Variants in KAZN observed in about 807,000 individuals in gnomAD.
The protein encoded by KAZN is kazrin.
Under a neutral mutation model 87.4 loss-of-function variants are expected in KAZN, and 40 were observed. That is an observed-to-expected ratio of 0.46 (90% CI 0.36 to 0.60). KAZN has a LOEUF of 0.60. Among genes scored for constraint, KAZN ranks in the 20% least tolerant of loss-of-function variants. The pLI is 0.00. For synonymous variants in KAZN, 466 were observed against 458.3 expected (o/e 1.02, Z -0.22); for missense variants, 898 against 1,073.9 (o/e 0.84, Z 2.29).
chr1:14,044,696 C>T (rs2101422093), intron 1 of KAZN, among the ~76,000 whole-genome samples: 1 of 152,228 alleles, frequency 6.6e-6, no homozygotes, highest in African/African-American at 2.4e-5. Context: ...AACTGTGTAG[C>T]CACTCTAGTA....
intron 1 of KAZN, among the ~76,000 whole-genome samples, chr1:14,061,291 G>A (rs1642784163): frequency 6.6e-6 from 1 of 152,164 alleles, no homozygotes; most frequent in Non-Finnish European, 1.5e-5. Flanking sequence ...GGGAGGTGTT[G>A]AGGAAGACTT....
chr1:14,233,525 C>T (rs572386000), intron 2 of KAZN, among the ~76,000 whole-genome samples: 4 of 152,252 alleles, frequency 2.6e-5, no homozygotes, highest in Middle Eastern at 3.4e-3. Context: ...TGGTAAGTGC[C>T]TAATACAGGT....
chr1:14,228,989 A>C (rs532036197), intron 2 of KAZN, among the ~76,000 whole-genome samples: 1 of 152,344 alleles, frequency 6.6e-6, no homozygotes, highest in East Asian at 1.9e-4. Context: ...GCATGCTAAC[A>C]GGAGAGCTTT....
intron 2 of KAZN, among the ~76,000 whole-genome samples, chr1:14,550,115 C>A (rs952955593): frequency 3.9e-5 from 6 of 152,240 alleles, no homozygotes; most frequent in African/African-American, 1.4e-4. Context: ...TAGAGGGAGC[C>A]ACTCTCATTC....
At position 15,116,637 on chromosome 1, in the gene KAZN, A is replaced by G. The variant is rs1641852567; in HGVS notation, c.*2002A>G. 6.6e-6 allele frequency: 1 copy of G among 152,258 alleles called. No homozygotes were observed. The highest frequency in any genetic ancestry group is 2.4e-5 in the African/African-American group (1 of 41,464). 9.4% of individuals were successfully genotyped at this position (152,258 alleles called of 1,614,324 possible). On this transcript the variant is annotated 3_prime_UTR_variant, in exon 15 of 15. Coordinates refer to ENST00000376030, the MANE Select transcript of KAZN (RefSeq NM_201628.3). ...CAACCTGGTGCCACAGGTCTCTCCC[A>G]AGCCACATCCAGCCTGGATGACCTG...
chr1:14,413,639 AG>A (rs1240383269), intron 2 of KAZN, among the ~76,000 whole-genome samples: 1 of 150,280 alleles, frequency 6.7e-6, no homozygotes, highest in Admixed American at 6.6e-5. Flanking sequence ...GAGAAAATAT[AG>A]GAAGACTACC....
intron 1 of KAZN, among the ~76,000 whole-genome samples, chr1:14,842,171 A>C (rs531147985): frequency 2.6e-4 from 40 of 152,342 alleles, no homozygotes; most frequent in African/African-American, 8.2e-4. Context: ...ACCATCCAAG[A>C]GAAAATGGGG....
intron 1 of KAZN, among the ~76,000 whole-genome samples, chr1:13,914,122 T>C (rs560684694): frequency 6.6e-6 from 1 of 152,208 alleles, no homozygotes; most frequent in Non-Finnish European, 1.5e-5. Flanking sequence ...CTCATAGGGA[T>C]GGAGAACCAA....
At chr1:14,924,589 C>A (rs1322663837) in intron 1 of KAZN, 1 of 994,544 alleles carries the variant, frequency 1.0e-6, no homozygotes, top group Non-Finnish European at 1.2e-6. Context: ...GCGCGCGGGG[C>A]GGGGCGGGGC....
chr1:13,950,181 T>C (rs1466242920), intron 1 of KAZN, among the ~76,000 whole-genome samples: 10 of 151,946 alleles, frequency 6.6e-5, no homozygotes, highest in Non-Finnish European at 1.5e-5. Context: ...TTGGCCTTTG[T>C]CATTGGGTGC....
intron 2 of KAZN, among the ~76,000 whole-genome samples, chr1:14,536,187 C>G (rs547757929): frequency 6.6e-6 from 1 of 152,160 alleles, no homozygotes; most frequent in Non-Finnish European, 1.5e-5. Context: ...CACTGAGTAA[C>G]GACTTCTGGT....
intron 1 of KAZN, among the ~76,000 whole-genome samples, chr1:14,743,833 C>T (rs982426292): frequency 4.6e-5 from 7 of 152,052 alleles, no homozygotes; most frequent in Admixed American, 2.6e-4. Flanking sequence ...GATCTCAGGT[C>T]GCTTATGGCC....
intron 2 of KAZN, among the ~76,000 whole-genome samples, chr1:14,246,147 G>C (rs1557590318): frequency 6.6e-6 from 1 of 152,098 alleles, no homozygotes. Flanking sequence ...CACAGGGAGG[G>C]GAACAACATA....
intron 1 of KAZN, among the ~76,000 whole-genome samples, chr1:14,107,732 G>T (rs1478764455): frequency 6.6e-6 from 1 of 152,158 alleles, no homozygotes; most frequent in Non-Finnish European, 1.5e-5. Flanking sequence ...ACCAGATCAT[G>T]GCACATAAAC....
chr1:14,284,371 G>A (rs1034938824), intron 2 of KAZN, among the ~76,000 whole-genome samples: 4 of 152,164 alleles, frequency 2.6e-5, no homozygotes, highest in Non-Finnish European at 5.9e-5. Flanking sequence ...CAGTCAGCAA[G>A]GGAGAGGAAA....
chr1:14,068,839 C>T (rs2101547597), intron 1 of KAZN, among the ~76,000 whole-genome samples: 1 of 151,192 alleles, frequency 6.6e-6, no homozygotes, highest in South Asian at 2.1e-4. Context: ...TGTCTGTCAC[C>T]CAGGCCTGGA....
At chr1:15,076,560 G>T (rs1220355371) in intron 8 of KAZN, among the ~76,000 whole-genome samples, 1 of 152,202 alleles carries the variant, frequency 6.6e-6, no homozygotes, top group Non-Finnish European at 1.5e-5. Flanking sequence ...TTCTTTCAGG[G>T]CTGCAGAGGC....
At chr1:14,584,069 C>G (rs1205402193) in intron 2 of KAZN, among the ~76,000 whole-genome samples, 1 of 152,186 alleles carries the variant, frequency 6.6e-6, no homozygotes, top group Non-Finnish European at 1.5e-5. Flanking sequence ...GTTGCCTGGT[C>G]TGCCCAGGAT....
intron 1 of KAZN, among the ~76,000 whole-genome samples, chr1:13,947,365 G>T (rs1237692364): frequency 3.3e-5 from 5 of 152,148 alleles, no homozygotes; most frequent in African/African-American, 1.2e-4. Flanking sequence ...CAAGATGCAT[G>T]TTCTCACTCA....
Sources: gnomAD v4.1 joint callset for allele counts (sites outside exome capture counted in the v4.1 genomes callset) on GRCh38, gnomAD v4.1.1 for gene constraint, MANE v1.5 for transcripts, NCBI Gene and HGNC (gene_info 2026-07-23, HGNC 2026-07-21) for gene names.